Variants in DLGAP2 observed in about 807,000 individuals in gnomAD.
DLGAP2 encodes DLG associated protein 2, also known as disks large-associated protein 2.
In DLGAP2, 26 loss-of-function variants were observed where a neutral mutation model predicts 100.3. The ratio of observed to expected loss-of-function variants is 0.26; its 90% confidence interval spans 0.19 to 0.36. DLGAP2 has a LOEUF of 0.36. DLGAP2 is among the 10% of genes least tolerant of loss of function. The pLI, the probability that DLGAP2 is intolerant of heterozygous loss-of-function variation, is 1.00. For synonymous variants in DLGAP2, 886 were observed against 630.1 expected (o/e 1.41, Z -6.08); for missense variants, 1,858 against 1,453.2 (o/e 1.28, Z -4.53).
At chr8:829,114 T>G (rs1401355929) in intron 1 of DLGAP2, among the ~76,000 whole-genome samples, 1 of 152,174 alleles carries the variant, frequency 6.6e-6, no homozygotes, top group Non-Finnish European at 1.5e-5. Flanking sequence ...CCAGGAGAAA[T>G]CCCTAGTGTT....
chr8:1,144,546 G>A (rs1796573644), intron 2 of DLGAP2, among the ~76,000 whole-genome samples: 2 of 152,092 alleles, frequency 1.3e-5, no homozygotes, highest in Non-Finnish European at 2.9e-5. Flanking sequence ...CCATCCTTTC[G>A]ACCACCTCCA....
chr8:1,546,143 CTGTT>C (rs1446131964), intron 4 of DLGAP2, among the ~76,000 whole-genome samples: 1 of 152,270 alleles, frequency 6.6e-6, no homozygotes, highest in Middle Eastern at 3.4e-3. Context: ...TATAATTTGA[CTGTT>C]TGAGAAAGGA....
At chr8:898,259 C>A (rs1013393741) in intron 1 of DLGAP2, among the ~76,000 whole-genome samples, 5 of 152,092 alleles carry the variant, frequency 3.3e-5, no homozygotes, top group African/African-American at 1.2e-4. Context: ...CCCACTGTGG[C>A]CAGGGCTGTA....
At chr8:1,147,212 A>T (rs571353038) in intron 2 of DLGAP2, among the ~76,000 whole-genome samples, 19 of 152,304 alleles carry the variant, frequency 1.2e-4, no homozygotes, top group African/African-American at 4.6e-4. Flanking sequence ...TAGATTTATC[A>T]TAGGTATTCG....
chr8:1,672,708 G>A (rs1798721015), intron 10 of DLGAP2, among the ~76,000 whole-genome samples: 1 of 152,220 alleles, frequency 6.6e-6, no homozygotes, highest in South Asian at 2.1e-4. Context: ...AAGCCTCACA[G>A]GCAGCTGCTC....
chr8:1,408,966 TG>T, intron 3 of DLGAP2, among the ~76,000 whole-genome samples: 1 of 152,330 alleles, frequency 6.6e-6, no homozygotes, highest in Non-Finnish European at 1.5e-5. Flanking sequence ...CGATGTCTGT[TG>T]GGGAAGCATC....
chr8:1,065,893 C>T lies in DLGAP2; in HGVS notation c.73+157927C>T, dbSNP rs537930226. On this transcript the variant is annotated intron_variant, in intron 2 of 14. Transcript: ENST00000637795. ...TATTTGCTTTCGAGTTGTCATTCTC[C>T]CGCGTGGTCTGTGGGGAGAATGCTC... 1.2e-4 allele frequency among the ~76,000 whole-genome samples: 18 copies of T among 152,300 alleles called. No homozygotes were observed. In the South Asian group the frequency reaches 3.5e-3, roughly 30 times the overall value.
intron 2 of DLGAP2, among the ~76,000 whole-genome samples, chr8:1,164,200 AGCCCCC>A (rs1796957713): frequency 7.0e-5 from 4 of 57,504 alleles, no homozygotes; most frequent in Non-Finnish European, 1.2e-4. Context: ...TTTTTCTGTG[AGCCCCC>A]AGGGCCCGTC....
At chr8:928,253 C>A (rs978331049) in intron 2 of DLGAP2, among the ~76,000 whole-genome samples, 1 of 152,144 alleles carries the variant, frequency 6.6e-6, no homozygotes, top group Non-Finnish European at 1.5e-5. Context: ...GTCGAGTTTG[C>A]GTTCACTAGG....
At chr8:1,249,165 C>T (rs1336297005) in intron 2 of DLGAP2, among the ~76,000 whole-genome samples, 1 of 152,190 alleles carries the variant, frequency 6.6e-6, no homozygotes, top group African/African-American at 2.4e-5. Context: ...CTACCCTTGC[C>T]TGCTTTACTG....
intron 3 of DLGAP2, among the ~76,000 whole-genome samples, chr8:1,268,992 G>C (rs1237890341): frequency 6.6e-6 from 1 of 152,182 alleles, no homozygotes; most frequent in East Asian, 1.9e-4. Context: ...GTAGTCCTTG[G>C]TCTGAGATGA....
chr8:1,238,709 A>T (rs1382321213), intron 2 of DLGAP2, among the ~76,000 whole-genome samples: 29 of 54,352 alleles, frequency 5.3e-4, no homozygotes, highest in Admixed American at 1.0e-3. Flanking sequence ...TCTCACACAG[A>T]GCATCATGTC....
chr8:1,274,437 A>G (rs191414687), intron 3 of DLGAP2, among the ~76,000 whole-genome samples: 12 of 151,368 alleles, frequency 7.9e-5, no homozygotes, highest in Non-Finnish European at 1.3e-4. Context: ...GTTTTAGAAC[A>G]TAAACCATAA....
rs543999506 is a variant in DLGAP2, at chr8:976,868, G to A, written c.73+68902G>A. 4.6e-5 allele frequency among the ~76,000 whole-genome samples: 7 copies of A among 152,282 alleles called. No individual in the cohort carries two copies. In the East Asian group the frequency reaches 1.2e-3, roughly 25 times the overall value. ...GATAGCATAAAATACCTAGGTAACTGTAGATTTAGTGATGACATTTTAGAT... is the reference window on the plus strand; with the variant it reads ...GATAGCATAAAATACCTAGGTAACTATAGATTTAGTGATGACATTTTAGAT... On this transcript the variant is annotated intron_variant, in intron 2 of 14. Coordinates refer to ENST00000637795, the MANE Select transcript of DLGAP2 (RefSeq NM_001346810.2).
chr8:1,489,237 A>C (rs1247440367), intron 3 of DLGAP2, among the ~76,000 whole-genome samples: 2 of 152,200 alleles, frequency 1.3e-5, no homozygotes, highest in Non-Finnish European at 2.9e-5. Context: ...GTGGAGTTGG[A>C]GTTCGTGGAA....
In DLGAP2 at chr8:1,327,704, C is replaced by A. The variant is rs117184406; in HGVS notation, c.106+68821C>A. ...CTAAAAATACAAAAAACTATCCGGG[C>A]GTCGTGGCGGGCGCCTGTAGTCCCA... On this transcript the variant is annotated intron_variant, in intron 3 of 14. Transcript: ENST00000637795. Among the ~76,000 whole-genome samples the A allele has an allele frequency of 2.4e-3, 371 of 151,990 alleles. 5 individuals are homozygous for A. Among genetic ancestry groups the A allele is most frequent in the South Asian group, 0.015 (70 of 4,806 alleles).
chr8:1,427,862 T>C (rs569665412), intron 3 of DLGAP2, among the ~76,000 whole-genome samples: 1 of 152,162 alleles, frequency 6.6e-6, no homozygotes, highest in Non-Finnish European at 1.5e-5. Flanking sequence ...AGCATGAAAA[T>C]TGACCAATAC....
chr8:1,352,053 T>C (rs1324656796), intron 3 of DLGAP2, among the ~76,000 whole-genome samples: 2 of 54,260 alleles, frequency 3.7e-5, no homozygotes, highest in African/African-American at 5.3e-5. Flanking sequence ...GGGTCCTGAG[T>C]GTGTGTGGAA....
At chr8:1,000,453 G>C (rs7839142) in intron 2 of DLGAP2, among the ~76,000 whole-genome samples, 149,273 of 149,580 alleles carry the variant, frequency 1, 74,484 homozygotes, top group Admixed American at 1. Context: ...GGGTGGTTTT[G>C]TTTTGCACTG....
Sources: gnomAD v4.1 joint callset for allele counts (sites outside exome capture counted in the v4.1 genomes callset) on GRCh38, gnomAD v4.1.1 for gene constraint, MANE v1.5 for transcripts, NCBI Gene and HGNC (gene_info 2026-07-23, HGNC 2026-07-21) for gene names.